Variants in KHDRBS3 observed in about 807,000 individuals in gnomAD.
KHDRBS3 encodes KH domain-containing, RNA-binding, signal transduction-associated protein 3.
Under a neutral mutation model 45.6 loss-of-function variants are expected in KHDRBS3, and 23 were observed. That is an observed-to-expected ratio of 0.50 (90% CI 0.36 to 0.72). The LOEUF is 0.72. Among genes scored for constraint, KHDRBS3 ranks in the 30% least tolerant of loss-of-function variants. The probability of loss-of-function intolerance (pLI) is 0.00; values close to 1 mark genes in which losing one functional copy is unlikely to be tolerated. For missense variants in KHDRBS3, 352 were observed against 424.8 expected, an observed-to-expected ratio of 0.83 and a Z score of 1.51; for synonymous variants, 162 against 156.5, an observed-to-expected ratio of 1.04 and a Z score of -0.26.
At chr8:135,644,837 C>T (rs975100430) in intron 7 of KHDRBS3, among the ~76,000 whole-genome samples, 6 of 151,930 alleles carry the variant, frequency 3.9e-5, no homozygotes, top group African/African-American at 1.5e-4. Flanking sequence ...AATGTCGAAA[C>T]ATATTTATTA....
At chr8:135,494,569 CGCCCA>C (rs1229815694) in intron 1 of KHDRBS3, among the ~76,000 whole-genome samples, 2 of 152,154 alleles carry the variant, frequency 1.3e-5, no homozygotes, top group Admixed American at 1.3e-4. Flanking sequence ...TGAGCCACCG[CGCCCA>C]GCCCTCCTCC....
intron 7 of KHDRBS3, among the ~76,000 whole-genome samples, chr8:135,614,659 A>T (rs1262384996): frequency 6.6e-6 from 1 of 150,984 alleles, no homozygotes; most frequent in Non-Finnish European, 1.5e-5. Flanking sequence ...AACCCAAATT[A>T]CCCCCATAGA....
intron 1 of KHDRBS3, among the ~76,000 whole-genome samples, chr8:135,485,567 G>A (rs748840208): frequency 5.3e-5 from 8 of 152,000 alleles, no homozygotes; most frequent in African/African-American, 1.2e-4. Flanking sequence ...TGTCAATCCC[G>A]TGTTCTCATC....
chr8:135,654,668 T>C (rs1282189529), intron 4 of KHDRBS3, among the ~76,000 whole-genome samples: 1 of 152,206 alleles, frequency 6.6e-6, no homozygotes, highest in East Asian at 1.9e-4. Flanking sequence ...CTCAGACTCC[T>C]GCTGGTCTCC....
chr8:135,544,784 G>C (rs141133404), intron 3 of KHDRBS3, among the ~76,000 whole-genome samples: 53 of 152,262 alleles, frequency 3.5e-4, no homozygotes, highest in African/African-American at 1.2e-3. Flanking sequence ...TTGGAAATCA[G>C]TATGGTGATT....
chr8:135,548,817 C>G lies in KHDRBS3; in HGVS notation c.388C>G (p.Leu130Val). The G allele has an allele frequency of 6.2e-7, 1 of 1,602,764 alleles. No individual in the cohort carries two copies. The highest frequency in any genetic ancestry group is 8.5e-7 in the Non-Finnish European group (1 of 1,173,922). Residue 130 changes from leucine (L) to valine (V), a missense_variant, in exon 4 of 9, where the codon CTC becomes GTC. Leu to Val is a conservative substitution (Grantham distance 32). Transcript: ENST00000355849. ...CCATCTCAATGATGATCTCCATGTT[C>G]TCATTGAAGTGTTTGCCCCACCTGC... ...YFHLNDDLHV[L>V]IEVFAPPAEA...
At chr8:135,599,132 G>A (rs954442082) in intron 6 of KHDRBS3, among the ~76,000 whole-genome samples, 8 of 152,184 alleles carry the variant, frequency 5.3e-5, no homozygotes, top group Non-Finnish European at 7.3e-5. Context: ...TATAGGTCGG[G>A]AATGACAAAT....
chr8:135,504,413 G>T lies in KHDRBS3; in HGVS notation c.89-16824G>T, dbSNP rs112350540. ...TATGCCTCCTGTTTTGGCTTCATTT[G>T]TTCCCAAGCTTGAAATCATGGAATT... On this transcript the variant is annotated intron_variant, in intron 1 of 8. Transcript: ENST00000355849. Among the ~76,000 whole-genome samples, 623 of 152,210 alleles carry T rather than the reference G, an allele frequency of 4.1e-3. 11 individuals carry two copies. The highest frequency in any genetic ancestry group is 0.014 in the African/African-American group (565 of 41,528).
chr8:135,479,790 T>C (rs977089338), intron 1 of KHDRBS3, among the ~76,000 whole-genome samples: 3 of 152,188 alleles, frequency 2.0e-5, no homozygotes. Context: ...TTTTAGACCA[T>C]AGAAGCTTCC....
intron 1 of KHDRBS3, among the ~76,000 whole-genome samples, chr8:135,512,507 C>T (rs1184811633): frequency 6.8e-6 from 1 of 147,920 alleles, no homozygotes; most frequent in Non-Finnish European, 1.5e-5. Context: ...TTGAATTATT[C>T]AGTTATTTTC....
chr8:135,643,522 G>A (rs1458458463), intron 7 of KHDRBS3, among the ~76,000 whole-genome samples: 1 of 152,214 alleles, frequency 6.6e-6, no homozygotes, highest in Admixed American at 6.5e-5. Context: ...GGAGAGAAGG[G>A]CCTTCTGGCA....
At position 135,481,200 on chromosome 8, in the gene KHDRBS3, C is replaced by A. The variant is rs72732350; in HGVS notation, c.88+23246C>A. Among the ~76,000 whole-genome samples, 908 of 136,742 alleles carry A rather than the reference C, an allele frequency of 6.6e-3. 5 individuals carry two copies. The highest frequency in any genetic ancestry group is 0.011 in the Non-Finnish European group (714 of 64,850). 89.7% of individuals were successfully genotyped at this position (136,742 alleles called of 152,430 possible). ...CTGAGGTTACAATCATGCTGGATTT[C>A]TTGTCTGATTCATGAAAGCCACGAT... is the stretch of plus-strand genomic sequence containing the variant. On this transcript the variant is annotated intron_variant, in intron 1 of 8. Transcript: ENST00000355849.
intron 1 of KHDRBS3, among the ~76,000 whole-genome samples, chr8:135,463,860 TAGA>T (rs1821558591): frequency 1.3e-5 from 2 of 152,132 alleles, no homozygotes; most frequent in Admixed American, 1.3e-4. Flanking sequence ...ACCAAAACAA[TAGA>T]AGGAGAGTGT....
chr8:135,523,015 A>C (rs141424804), intron 2 of KHDRBS3, among the ~76,000 whole-genome samples: 1 of 152,120 alleles, frequency 6.6e-6, no homozygotes, highest in Non-Finnish European at 1.5e-5. Context: ...CTTTTAATCT[A>C]TTTATGAATC....
intron 6 of KHDRBS3, among the ~76,000 whole-genome samples, chr8:135,603,447 C>T (rs1056210717): frequency 2.6e-5 from 4 of 152,152 alleles, no homozygotes; most frequent in Non-Finnish European, 4.4e-5. Flanking sequence ...GCTTTCTCTC[C>T]CTTGATTGAC....
intron 5 of KHDRBS3, among the ~76,000 whole-genome samples, chr8:135,571,286 C>G (rs1827690758): frequency 6.6e-6 from 1 of 152,152 alleles, no homozygotes; most frequent in African/African-American, 2.4e-5. Flanking sequence ...CAAAAGGAAT[C>G]CAGTGAGTAT....
At chr8:135,520,001 C>T (rs1333469986) in intron 1 of KHDRBS3, among the ~76,000 whole-genome samples, 1 of 152,194 alleles carries the variant, frequency 6.6e-6, no homozygotes, top group Non-Finnish European at 1.5e-5. Context: ...GTGGGAGAGA[C>T]TGCACAGGCA....
intron 5 of KHDRBS3, among the ~76,000 whole-genome samples, chr8:135,571,801 T>G (rs1441496718): frequency 6.6e-6 from 1 of 152,008 alleles, no homozygotes; most frequent in Admixed American, 6.6e-5. Flanking sequence ...TAACTCTTAC[T>G]CACTGTGTGG....
chr8:135,637,345 C>T (rs1000456982), intron 7 of KHDRBS3, among the ~76,000 whole-genome samples: 2 of 152,120 alleles, frequency 1.3e-5, no homozygotes, highest in Admixed American at 6.5e-5. Context: ...AACAAAGGCT[C>T]CTTCTAAATA....
Sources: allele counts gnomAD v4.1 joint callset (sites outside exome capture counted in the v4.1 genomes callset), GRCh38; gene constraint gnomAD v4.1.1; transcripts MANE v1.5; gene names NCBI Gene and HGNC (gene_info 2026-07-23, HGNC 2026-07-21).